RMST: variants seen among roughly 807,000 people sequenced by gnomAD.
RMST encodes the protein long intergenic non-protein coding RNA 54.
At chr12:97,516,659 C>A (rs1879968023) in intron 10 of RMST, among the ~76,000 whole-genome samples, 1 of 151,766 alleles carries the variant, frequency 6.6e-6, no homozygotes, top group Non-Finnish European at 1.5e-5. Context: ...TAGAGAAATT[C>A]ATGATGAAGT....
At chr12:97,514,674 T>G (rs953561732) in intron 10 of RMST, among the ~76,000 whole-genome samples, 1 of 152,174 alleles carries the variant, frequency 6.6e-6, no homozygotes, top group African/African-American at 2.4e-5. Context: ...ATTGTTTTTT[T>G]TTTTTCTTAG....
intron 10 of RMST, among the ~76,000 whole-genome samples, chr12:97,515,754 G>T (rs1366536782): frequency 6.6e-6 from 1 of 152,026 alleles, no homozygotes; most frequent in Non-Finnish European, 1.5e-5. Context: ...AGTCCCAGGG[G>T]TGGGGTAAGA....
At chr12:97,488,664 A>C (rs1876405166) in intron 5 of RMST, among the ~76,000 whole-genome samples, 1 of 152,128 alleles carries the variant, frequency 6.6e-6, no homozygotes, top group South Asian at 2.1e-4. Context: ...TGTGAGATTT[A>C]CCTAGAATAG....
intron 11 of RMST, among the ~76,000 whole-genome samples, chr12:97,559,295 G>A (rs139817890): frequency 2.0e-5 from 3 of 152,292 alleles, no homozygotes; most frequent in Non-Finnish European, 4.4e-5. Context: ...CTGCCACGCA[G>A]AGTTCATCTT....
intron 5 of RMST, among the ~76,000 whole-genome samples, chr12:97,471,962 G>T (rs1477619142): frequency 6.6e-6 from 1 of 151,934 alleles, no homozygotes; most frequent in Admixed American, 6.6e-5. Context: ...ATATTAATTT[G>T]AACCTACAAG....
At chr12:97,489,499 T>A (rs956532374) in intron 5 of RMST, among the ~76,000 whole-genome samples, 1 of 151,974 alleles carries the variant, frequency 6.6e-6, no homozygotes, top group Admixed American at 6.6e-5. Flanking sequence ...GGTGATAACA[T>A]CGTAAACTCT....
At chr12:97,555,357 G>A (rs1177440737) in intron 11 of RMST, among the ~76,000 whole-genome samples, 1 of 152,064 alleles carries the variant, frequency 6.6e-6, no homozygotes, top group African/African-American at 2.4e-5. Context: ...TGGAAATGCC[G>A]ACAGTAAATT....
chr12:97,520,642 C>A (rs1665458002), intron 10 of RMST, among the ~76,000 whole-genome samples: 1 of 151,778 alleles, frequency 6.6e-6, no homozygotes, highest in South Asian at 2.1e-4. Flanking sequence ...TTGAAAAATC[C>A]CCCAAACGAT....
At chr12:97,513,169 C>T (rs1342221940) in intron 10 of RMST, among the ~76,000 whole-genome samples, 1 of 152,174 alleles carries the variant, frequency 6.6e-6, no homozygotes, top group Non-Finnish European at 1.5e-5. Flanking sequence ...CCTTGGCCAG[C>T]CCAGAAAGGG....
At chr12:97,479,861 A>G (rs1201602330) in intron 5 of RMST, among the ~76,000 whole-genome samples, 1 of 152,156 alleles carries the variant, frequency 6.6e-6, no homozygotes, top group Non-Finnish European at 1.5e-5. Context: ...TGCCATGTCC[A>G]ACAGGCACCC....
intron 10 of RMST, chr12:97,530,226 A>C (rs1383116001): frequency 6.6e-6 from 1 of 152,004 alleles, no homozygotes; most frequent in Non-Finnish European, 1.5e-5. Flanking sequence ...ATTTTCTAAA[A>C]CTTTCCTTAA....
intron 11 of RMST, among the ~76,000 whole-genome samples, chr12:97,541,690 T>C (rs1323735278): frequency 2.7e-5 from 4 of 150,334 alleles, no homozygotes; most frequent in African/African-American, 7.4e-5. Flanking sequence ...TCTAGAGATT[T>C]CTTAAGAAAT....
intron 10 of RMST, among the ~76,000 whole-genome samples, chr12:97,500,168 G>A (rs1329853783): frequency 6.6e-6 from 1 of 152,102 alleles, no homozygotes; most frequent in Non-Finnish European, 1.5e-5. Flanking sequence ...ATCATTCAAC[G>A]CAGAGAGGAG....
At chr12:97,501,931 T>C (rs11109066) in intron 10 of RMST, among the ~76,000 whole-genome samples, 26,076 of 152,024 alleles carry the variant, frequency 0.17, 4,577 homozygotes, top group African/African-American at 0.44. Context: ...TGGCCCACCC[T>C]CTCAAAGCAC....
chr12:97,523,853 G>A (rs979647681), intron 10 of RMST, among the ~76,000 whole-genome samples: 5 of 151,804 alleles, frequency 3.3e-5, no homozygotes, highest in Non-Finnish European at 5.9e-5. Context: ...CGAGGCGGGC[G>A]GATCACGAGG....
intron 10 of RMST, among the ~76,000 whole-genome samples, chr12:97,523,255 G>A (rs1011127481): frequency 1.2e-4 from 18 of 152,142 alleles, no homozygotes; most frequent in Non-Finnish European, 2.5e-4. Flanking sequence ...AATAATTATC[G>A]CTCTTTTAAA....
At chr12:97,484,687 ACAT>A (rs1875864723) in intron 5 of RMST, among the ~76,000 whole-genome samples, 1 of 152,198 alleles carries the variant, frequency 6.6e-6, no homozygotes, top group African/African-American at 2.4e-5. Flanking sequence ...AATAAATGTA[ACAT>A]CATTTGAAAA....
intron 5 of RMST, among the ~76,000 whole-genome samples, chr12:97,473,976 A>T (rs1330735736): frequency 6.6e-6 from 1 of 152,124 alleles, no homozygotes; most frequent in Admixed American, 6.6e-5. Flanking sequence ...TGTAGAAAAA[A>T]GAGCCTTGAC....
chr12:97,532,304 A>G (rs1201053747), intron 11 of RMST, among the ~76,000 whole-genome samples: 2 of 152,100 alleles, frequency 1.3e-5, no homozygotes, highest in East Asian at 3.9e-4. Context: ...GGCATTCAGT[A>G]GGTATTTATC....
Sources: allele counts gnomAD v4.1 joint callset (sites outside exome capture counted in the v4.1 genomes callset), GRCh38; gene constraint gnomAD v4.1.1; transcripts MANE v1.5; gene names NCBI Gene and HGNC (gene_info 2026-07-23, HGNC 2026-07-21).